Variants in CNNM2 observed in about 807,000 individuals in gnomAD.
The protein encoded by CNNM2 is metal transporter CNNM2.
A neutral mutation model predicts 66.9 loss-of-function variants in CNNM2; 12 were observed. That is an observed-to-expected ratio of 0.18 (90% CI 0.11 to 0.29). CNNM2 has a LOEUF of 0.29. Among genes scored for constraint, CNNM2 ranks in the 10% least tolerant of loss-of-function variants. CNNM2 has a pLI of 1.00. For missense variants in CNNM2, 705 were observed against 1,167.7 expected (o/e 0.60, Z 5.77); for synonymous variants, 557 against 501.8 (o/e 1.11, Z -1.47).
At position 103,082,181 on chromosome 10, in the gene CNNM2, GAGA is replaced by G. The variant is rs1362908940; in HGVS notation, c.*5006_*5008del. On this transcript the variant is annotated 3_prime_UTR_variant, in exon 8 of 8. Transcript: ENST00000369878. ...ATGCCCATTGGGACCGTGAACAAAT[GAGA>G]AGAATGGGAGCATTGTCTTGCCTCG... 2 of 152,364 alleles carry G rather than the reference GAGA, an allele frequency of 1.3e-5. No homozygotes were observed. Among genetic ancestry groups the G allele is most frequent in the Non-Finnish European group, 2.9e-5 (2 of 68,044 alleles). 9.4% of individuals were successfully genotyped at this position (152,364 alleles called of 1,614,324 possible). A position where few individuals can be genotyped will look rare whatever the true frequency, so the allele number is the denominator to read the frequency against.
intron 1 of CNNM2, among the ~76,000 whole-genome samples, chr10:103,036,116 CAA>C (rs1270757332): frequency 6.6e-6 from 1 of 150,772 alleles, no homozygotes; most frequent in Non-Finnish European, 1.5e-5. Context: ...ACCAGAGAAA[CAA>C]AACCAATAGG....
At chr10:102,944,608 G>GTT (rs1291309791) in intron 1 of CNNM2, among the ~76,000 whole-genome samples, 1 of 151,688 alleles carries the variant, frequency 6.6e-6, no homozygotes, top group Non-Finnish European at 1.5e-5. Flanking sequence ...GTGTGTGTGT[G>GTT]TGTGTGTGTA....
rs759852477 is a variant in CNNM2 at position 102,918,551 on chromosome 10, C to G, written c.71C>G (p.Thr24Ser). The change falls in exon 1 of 8, where the codon ACT (threonine) becomes AGT (serine). Residue 24 changes from threonine to serine, a missense_variant. Physicochemically the swap from Thr to Ser is moderately conservative, Grantham distance 58. Transcript: ENST00000369878. This position sits in a 1 kb window ranked among gnomAD's most constrained non-coding sequence, Gnocchi z 4.1. ...GGGCAGGCAGCCGCCGCACTGCCCA[C>G]TTGGAAGATGGCGGCGCGCCGCAGC... Reference protein sequence around the residue: ...AGGQAAAALPTWKMAARRSLS... With the variant: ...AGGQAAAALPSWKMAARRSLS... 2 of 1,596,860 alleles carry G rather than the reference C, an allele frequency of 1.3e-6. No homozygotes were observed. Among genetic ancestry groups the G allele is most frequent in the Non-Finnish European group, 1.7e-6 (2 of 1,174,668 alleles).
chr10:102,953,706 C>T (rs776061482), intron 1 of CNNM2, among the ~76,000 whole-genome samples: 4 of 152,072 alleles, frequency 2.6e-5, no homozygotes, highest in Admixed American at 6.6e-5. Flanking sequence ...ACCACAGGCA[C>T]GTGCCACCAT....
chr10:102,920,060 A>C lies in CNNM2; in HGVS notation c.1580A>C (p.Asn527Thr), dbSNP rs751115904. The C allele has an allele frequency of 1.2e-6, 2 of 1,614,204 alleles. No individual in the cohort carries two copies. The highest frequency in any genetic ancestry group is 1.7e-6 in the Non-Finnish European group (2 of 1,180,046). The part of the protein sequence containing the change: ...FYNHPLHFVF[N>T]DTKLDAMLEE... ...AACCACCCCTTGCACTTTGTTTTCA[A>C]TGACACCAAGTTGGACGCTATGCTG... Residue 527 changes from asparagine to threonine, a missense_variant, in exon 1 of 8, where the codon AAT becomes ACT. Coordinates refer to ENST00000369878, the MANE Select transcript of CNNM2 (RefSeq NM_017649.5).
intron 1 of CNNM2, among the ~76,000 whole-genome samples, chr10:103,009,147 A>G (rs1222430690): frequency 1.3e-5 from 2 of 152,130 alleles, no homozygotes; most frequent in Admixed American, 6.6e-5. Context: ...GTGGTGGCGC[A>G]TGCCTGTTAT....
chr10:102,961,089 G>A (rs2063372498), intron 1 of CNNM2, among the ~76,000 whole-genome samples: 1 of 151,052 alleles, frequency 6.6e-6, no homozygotes, highest in African/African-American at 2.4e-5. Flanking sequence ...TGTTGGCCAG[G>A]CTGGTCTTGA....
rs962904795 is a variant in CNNM2 at position 103,025,878 on chromosome 10, A to G, written c.1622-23829A>G. On this transcript the variant is annotated intron_variant, in intron 1 of 7. Transcript: ENST00000369878. ...ATTCATCATATTTGCTGTGGGTTGA[A>G]TGTGTCTCACAAAGTTCATGTGGCG... is the stretch of plus-strand genomic sequence containing the variant. Among the ~76,000 whole-genome samples, 3 of 152,202 alleles carry G rather than the reference A, an allele frequency of 2.0e-5. 1 individual carries two copies. The South Asian group carries it at 6.2e-4, about 31-fold the overall frequency.
At chr10:103,017,963 C>CA (rs59984156) in intron 1 of CNNM2, among the ~76,000 whole-genome samples, 18,367 of 78,760 alleles carry the variant, frequency 0.23, 2,567 homozygotes, top group Non-Finnish European at 0.29. Context: ...GAATCTGTCT[C>CA]AAAAAAAAAA....
chr10:102,919,578 G>T lies in CNNM2; in HGVS notation c.1098G>T (p.Arg366=). The change falls in exon 1 of 8, where the codon CGG becomes CGT. Residue 366 remains arginine (R), a synonymous_variant. Coordinates refer to ENST00000369878, the MANE Select transcript of CNNM2 (RefSeq NM_017649.5). The part of the protein sequence containing the change: ...GEIVPQAICS[R]HGLAVGANTI... ...TCGTGCCCCAGGCCATCTGCTCCCG[G>T]CATGGCCTGGCTGTGGGGGCCAACA... 1 of 1,613,460 alleles carries T rather than the reference G, an allele frequency of 6.2e-7. No individual in the cohort carries two copies. Among genetic ancestry groups the T allele is most frequent in the Non-Finnish European group, 8.5e-7 (1 of 1,180,042 alleles).
At chr10:102,920,282 C>T (rs771356183) in intron 1 of CNNM2, among the ~76,000 whole-genome samples, 181 bp downstream of exon 1, 2 of 152,088 alleles carry the variant, frequency 1.3e-5, no homozygotes, top group Admixed American at 6.5e-5. Flanking sequence ...CTAGTAAGTG[C>T]TACTAGGTTA....
intron 1 of CNNM2, among the ~76,000 whole-genome samples, chr10:102,980,598 CGCTGAA>C (rs2063705086): frequency 6.6e-6 from 1 of 152,054 alleles, no homozygotes; most frequent in African/African-American, 2.4e-5. Context: ...TTGGCTCTTA[CGCTGAA>C]AGATAAGGAC....
chr10:103,010,912 C>T (rs541158185), intron 1 of CNNM2, among the ~76,000 whole-genome samples: 13 of 152,190 alleles, frequency 8.5e-5, no homozygotes, highest in South Asian at 6.2e-4. Context: ...CGTGCCTGGC[C>T]GTGATATTTA....
chr10:103,070,533 A>G (rs146228666), intron 5 of CNNM2, among the ~76,000 whole-genome samples: 29 of 152,306 alleles, frequency 1.9e-4, no homozygotes, highest in African/African-American at 6.7e-4. Context: ...CAGATTTATA[A>G]GATGGCTTTG....
Position 102,922,497 on chromosome 10 carries a change from C to T in CNNM2, c.1621+2396C>T, listed in dbSNP as rs572706236. ...TTTATTTTTCTCTACTGAATAACGG[C>T]GTATTAAATGGTTTGAAGACTTTTT... On this transcript the variant is annotated intron_variant, in intron 1 of 7. Coordinates refer to ENST00000369878, the MANE Select transcript of CNNM2 (RefSeq NM_017649.5). Among the ~76,000 whole-genome samples, 6 of 152,116 alleles carry T rather than the reference C, an allele frequency of 3.9e-5. No individual in the cohort carries two copies. The South Asian group carries it at 6.2e-4, about 16-fold the overall frequency.
Position 102,956,010 on chromosome 10 carries a change from A to G in CNNM2, c.1621+35909A>G, listed in dbSNP as rs543589226. ...CTATTAAAAATACAGAAGTTAGGCC[A>G]GGCATGGTGGCTCACGCCTGTAATC... is the stretch of plus-strand genomic sequence containing the variant. On this transcript the variant is annotated intron_variant, in intron 1 of 7. Transcript: ENST00000369878. Among the ~76,000 whole-genome samples, 71 of 152,300 alleles carry G rather than the reference A, an allele frequency of 4.7e-4. No homozygotes were observed. The South Asian group carries it at 0.013, about 28-fold the overall frequency.
chr10:103,016,978 C>CT (rs74439005), intron 1 of CNNM2, among the ~76,000 whole-genome samples: 190 of 142,306 alleles, frequency 1.3e-3, no homozygotes, highest in South Asian at 2.0e-3. Context: ...GTTTTGTTTC[C>CT]TTTTTTTTTT....
At position 102,919,377 on chromosome 10, in the gene CNNM2, G is replaced by T. The variant is rs147519952; in HGVS notation, c.897G>T (p.Lys299Asn). 9 of 1,612,424 alleles carry T rather than the reference G, an allele frequency of 5.6e-6. No homozygotes were observed. The highest frequency in any genetic ancestry group is 7.6e-6 in the Non-Finnish European group (9 of 1,180,040). Residue 299 changes from lysine to asparagine, a missense_variant, in exon 1 of 8, where the codon AAG becomes AAT. Around this residue, in one of 9 missense-constraint regions of CNNM2, gnomAD observed 49 missense variants for 183.7 expected, o/e 0.27. Transcript: ENST00000369878. ...AGAACTGCGGCACGGAGAAGGAGAAGAATTACGCCAAGCGCATCGAGCCGG... is the reference window on the plus strand; with the variant it reads ...AGAACTGCGGCACGGAGAAGGAGAATAATTACGCCAAGCGCATCGAGCCGG... ...IVQNCGTEKE[K>N]NYAKRIEPVR...
intron 7 of CNNM2, among the ~76,000 whole-genome samples, 154 bp downstream of exon 7, chr10:103,076,424 G>A (rs140560808): frequency 1.2e-4 from 18 of 152,274 alleles, no homozygotes; most frequent in African/African-American, 4.3e-4. Context: ...CCCTGTCTTC[G>A]TCTGCTGTGC....
Sources: gnomAD v4.1 joint callset for allele counts (sites outside exome capture counted in the v4.1 genomes callset) on GRCh38, gnomAD v4.1.1 for gene constraint, gnomAD v4.1.1 regional missense constraint, Gnocchi (gnomAD v3.1) non-coding constraint, MANE v1.5 for transcripts, NCBI Gene and HGNC (gene_info 2026-07-23, HGNC 2026-07-21) for gene names.